FLT3: variants seen among roughly 807,000 people sequenced by gnomAD.
FLT3 encodes the protein receptor-type tyrosine-protein kinase FLT3.
Under a neutral mutation model 126.6 loss-of-function variants are expected in FLT3, and 46 were observed. That is an observed-to-expected ratio of 0.36 (90% CI 0.29 to 0.46). The LOEUF (loss-of-function observed/expected upper bound fraction) is 0.46, where lower values mean the gene tolerates loss of function less well. Ranked by LOEUF, FLT3 falls within the 20% of genes least tolerant of loss-of-function variation. The pLI is 1.00. For synonymous variants in FLT3, 404 were observed against 434.4 expected, an observed-to-expected ratio of 0.93 and a Z score of 0.87; for missense variants, 1,069 against 1,190.3, an observed-to-expected ratio of 0.90 and a Z score of 1.50.
intron 2 of FLT3, 129 bp downstream of exon 2, chr13:28,070,362 C>G (rs1165289031): frequency 2.9e-6 from 2 of 693,926 alleles, no homozygotes; most frequent in Non-Finnish European, 4.9e-6. Context: ...CTGTTGGTAC[C>G]AGATGTGAGG....
At chr13:28,075,743 C>CT (rs34275171) in intron 1 of FLT3, among the ~76,000 whole-genome samples, 105,661 of 149,794 alleles carry the variant, frequency 0.71, 39,218 homozygotes, top group East Asian at 0.95. Context: ...AAAATGGATG[C>CT]ATCACTTCAT....
At chr13:28,013,885 C>T (rs1489506711) in intron 23 of FLT3, among the ~76,000 whole-genome samples, 1 of 152,158 alleles carries the variant, frequency 6.6e-6, no homozygotes, top group Non-Finnish European at 1.5e-5. Flanking sequence ...TAGTTGTCTA[C>T]TTCACTGCAC....
chr13:28,040,622 C>T (rs1874269160), intron 9 of FLT3, among the ~76,000 whole-genome samples: 1 of 151,746 alleles, frequency 6.6e-6, no homozygotes, highest in African/African-American at 2.4e-5. Flanking sequence ...GCCCTGAACT[C>T]GTAAGCCAAG....
At chr13:28,089,468 C>A (rs1056927665) in intron 1 of FLT3, among the ~76,000 whole-genome samples, 2 of 151,346 alleles carry the variant, frequency 1.3e-5, no homozygotes, top group African/African-American at 4.9e-5. Flanking sequence ...AATGACCAGT[C>A]GCTGGTTAAT....
chr13:28,057,474 G>C lies in FLT3; in HGVS notation c.369-12C>G. ...TGGAAACAACTCCTCTGCAAAACAGGAAAGAGAACTAGTTATTTTGGAAAA... is the reference window on the plus strand; with the variant it reads ...TGGAAACAACTCCTCTGCAAAACAGCAAAGAGAACTAGTTATTTTGGAAAA... On this transcript the variant is annotated splice_polypyrimidine_tract_variant and intron_variant, in intron 3 of 23. Transcript: ENST00000241453. 1 of 1,168,288 alleles carries C rather than the reference G, an allele frequency of 8.6e-7. No individual in the cohort carries two copies. The highest frequency in any genetic ancestry group is 1.3e-6 in the Non-Finnish European group (1 of 775,044). 72.4% of individuals were successfully genotyped at this position (1,168,288 alleles called of 1,614,324 possible).
rs8002065 is a variant in FLT3 at position 28,052,888 on chromosome 13, C to G, written c.485-214G>C. ...TCAACTTGAACATTTCTCCTCTTGGCCAATTTCTTTGGGTATTTCACAAAT... is the reference window on the plus strand; with the variant it reads ...TCAACTTGAACATTTCTCCTCTTGGGCAATTTCTTTGGGTATTTCACAAAT... On this transcript the variant is annotated intron_variant, in intron 4 of 23. Transcript: ENST00000241453. Among the ~76,000 whole-genome samples the G allele has an allele frequency of 0.028, 4,249 of 152,170 alleles. 190 individuals carry two copies. Among genetic ancestry groups the G allele is most frequent in the African/African-American group, 0.096 (3,987 of 41,500 alleles).
chr13:28,091,287 T>C (rs1031070629), intron 1 of FLT3, among the ~76,000 whole-genome samples: 6 of 128,618 alleles, frequency 4.7e-5, no homozygotes, highest in Admixed American at 3.6e-4. Context: ...AGTGGCGCGA[T>C]CTCGGCTCAC....
intron 1 of FLT3, among the ~76,000 whole-genome samples, chr13:28,085,045 G>A (rs1434631309): frequency 2.6e-5 from 4 of 151,038 alleles, no homozygotes; most frequent in Non-Finnish European, 5.9e-5. Context: ...TGGTAAGTGT[G>A]CACCTGAAAA....
chr13:28,062,109 C>T (rs955661033), intron 2 of FLT3, 40 bp from the exon 3 acceptor site: 1 of 1,494,866 alleles, frequency 6.7e-7, no homozygotes, highest in Non-Finnish European at 9.3e-7. Flanking sequence ...ATGAAAACTG[C>T]AGGTCTAAGG....
chr13:28,042,183 AATAAT>A (rs1566077679), intron 9 of FLT3, among the ~76,000 whole-genome samples: 216 of 143,472 alleles, frequency 1.5e-3, no homozygotes, highest in African/African-American at 3.2e-3. Flanking sequence ...TAATAATAAT[AATAAT>A]AAATAAAAAT....
intron 3 of FLT3, among the ~76,000 whole-genome samples, chr13:28,061,454 T>C (rs1353369058): frequency 2.0e-5 from 3 of 152,084 alleles, no homozygotes; most frequent in African/African-American, 7.2e-5. Flanking sequence ...ATTATTTCAC[T>C]GAAGATAAGA....
At chr13:28,017,860 T>C (rs2137620212) in intron 20 of FLT3, among the ~76,000 whole-genome samples, 2 of 152,112 alleles carry the variant, frequency 1.3e-5, no homozygotes, top group South Asian at 4.1e-4. Context: ...GAGACAGAGT[T>C]TCACCATATT....
intron 6 of FLT3, 133 bp downstream of exon 6, chr13:28,049,961 AT>A: frequency 8.5e-7 from 1 of 1,175,618 alleles, no homozygotes; most frequent in Admixed American, 2.3e-5. Flanking sequence ...AATCCATAAT[AT>A]TGCATTTACT....
At chr13:28,099,679 C>T (rs534950217) in intron 1 of FLT3, among the ~76,000 whole-genome samples, 8 of 152,264 alleles carry the variant, frequency 5.3e-5, no homozygotes, top group South Asian at 4.1e-4. Flanking sequence ...TCGATTCAGT[C>T]CTCTCATCTT....
chr13:28,058,449 T>C (rs1056210406), intron 3 of FLT3, among the ~76,000 whole-genome samples: 3 of 151,308 alleles, frequency 2.0e-5, no homozygotes, highest in African/African-American at 7.3e-5. Flanking sequence ...GAGGCGGAGG[T>C]TGCGGTGAGC....
chr13:28,025,954 T>C (rs558034705), intron 17 of FLT3, among the ~76,000 whole-genome samples: 2 of 152,166 alleles, frequency 1.3e-5, no homozygotes, highest in African/African-American at 2.4e-5. Context: ...GCCGGGACTC[T>C]CAAATGTATC....
Position 28,043,188 on chromosome 13 carries a change from T to A in FLT3, c.1205+5087A>T, listed in dbSNP as rs1449799122. ...TACTAAGTAATTACAACAGTCCTATTCCTTTTTTTTTTTCCCATAAAAGTG... is the reference window on the plus strand; with the variant it reads ...TACTAAGTAATTACAACAGTCCTATACCTTTTTTTTTTTCCCATAAAAGTG... On this transcript the variant is annotated intron_variant, in intron 9 of 23. Coordinates refer to ENST00000241453, the MANE Select transcript of FLT3 (RefSeq NM_004119.3). Among the ~76,000 whole-genome samples, 6 of 4,398 alleles carry A rather than the reference T, an allele frequency of 1.4e-3. No individual in the cohort carries two copies. In the South Asian group the frequency reaches 0.12, roughly 92 times the overall value. 2.9% of individuals were successfully genotyped at this position (4,398 alleles called of 152,430 possible). A position where few individuals can be genotyped will look rare whatever the true frequency, so the allele number is the denominator to read the frequency against.
intron 19 of FLT3, among the ~76,000 whole-genome samples, chr13:28,020,021 TG>T (rs1262458110): frequency 1.3e-5 from 2 of 152,172 alleles, no homozygotes; most frequent in Non-Finnish European, 2.9e-5. Context: ...ACAGGAGAAG[TG>T]TCCAAGTGTC....
intron 23 of FLT3, among the ~76,000 whole-genome samples, chr13:28,006,016 T>C (rs890236767): frequency 1.3e-5 from 2 of 152,014 alleles, no homozygotes; most frequent in African/African-American, 4.8e-5. Flanking sequence ...CCTAGCACTT[T>C]GGGAGGCCGG....
Sources: allele counts gnomAD v4.1 joint callset (sites outside exome capture counted in the v4.1 genomes callset), GRCh38; gene constraint gnomAD v4.1.1; transcripts MANE v1.5; gene names NCBI Gene and HGNC (gene_info 2026-07-23, HGNC 2026-07-21).